CHEK1: variants seen among roughly 807,000 people sequenced by gnomAD.
CHEK1 encodes the protein checkpoint kinase 1, also known as serine/threonine-protein kinase Chk1.
A neutral mutation model predicts 60.2 loss-of-function variants in CHEK1; 32 were observed. The ratio of observed to expected loss-of-function variants is 0.53; its 90% CI spans 0.40 to 0.71. The LOEUF (loss-of-function observed/expected upper bound fraction) is 0.71. Among genes scored for constraint, CHEK1 ranks in the 30% least tolerant of loss-of-function variants. CHEK1 has a pLI of 0.00. For missense variants in CHEK1, 399 were observed against 564.6 expected, an observed-to-expected ratio of 0.71 and a Z score of 2.97; for synonymous variants, 179 against 187.2, an observed-to-expected ratio of 0.96 and a Z score of 0.36.
Position 125,627,666 on chromosome 11 carries a change from T to G in CHEK1, c.125T>G (p.Met42Arg). 1 of 1,613,980 alleles carries G rather than the reference T, an allele frequency of 6.2e-7. No homozygotes were observed. Among genetic ancestry groups the G allele is most frequent in the Non-Finnish European group, 8.5e-7 (1 of 1,179,944 alleles). ...EEAVAVKIVD[M>R]KRAVDCPENI... ...GCAGTCGCAGTGAAGATTGTAGATATGAAGCGTGCCGTAGACTGTCCAGAA... is the reference window on the plus strand; with the variant it reads ...GCAGTCGCAGTGAAGATTGTAGATAGGAAGCGTGCCGTAGACTGTCCAGAA... The change falls in exon 3 of 13, where the codon ATG (methionine) becomes AGG (arginine). Residue 42 changes from methionine to arginine, a missense_variant. By Grantham distance (91) the Met-to-Arg change is moderately conservative. Around this residue, in one of 2 missense-constraint regions of CHEK1, gnomAD observed 370 missense variants for 494.8 expected, o/e 0.75. Coordinates refer to ENST00000438015, the MANE Select transcript of CHEK1 (RefSeq NM_001114122.3).
chr11:125,661,387 C>G (rs1164811244), downstream of CHEK1, among the ~76,000 whole-genome samples: 2 of 152,112 alleles, frequency 1.3e-5, no homozygotes, highest in African/African-American at 2.4e-5. Flanking sequence ...TCTCAGCTCA[C>G]TGCCACCTCT....
Position 125,633,172 on chromosome 11 carries a change from A to T in CHEK1, c.434A>T (p.Lys145Ile), listed in dbSNP as rs775066373. ...TTTTCTTTTGGTTTAGATAACCTCAAAATCTCAGACTTTGGCTTGGCAACA... is the reference window on the plus strand; with the variant it reads ...TTTTCTTTTGGTTTAGATAACCTCATAATCTCAGACTTTGGCTTGGCAACA... ...NLLLDERDNL[K>I]ISDFGLATVF... Residue 145 changes from lysine (K) to isoleucine (I), a missense_variant, in exon 6 of 13, where the codon AAA becomes ATA. Physicochemically the swap from Lys to Ile is moderately radical, Grantham distance 102. Transcript: ENST00000438015. The T allele has an allele frequency of 1.9e-6, 3 of 1,582,528 alleles. No homozygotes were observed. In the African/African-American group the frequency reaches 4.1e-5, roughly 22 times the overall value.
chr11:125,679,933 C>T (rs1942718445), downstream of CHEK1, among the ~76,000 whole-genome samples: 1 of 152,046 alleles, frequency 6.6e-6, no homozygotes, highest in South Asian at 2.1e-4. Flanking sequence ...ATAATTAACA[C>T]AAGTTTTGAT....
Position 125,625,517 on chromosome 11 carries a change from C to G in CHEK1, c.-516C>G. The G allele has an allele frequency of 3.9e-6, 2 of 506,984 alleles. No homozygotes were observed. The highest frequency in any genetic ancestry group is 7.1e-6 in the Non-Finnish European group (2 of 282,860). 31.4% of individuals were successfully genotyped at this position (506,984 alleles called of 1,614,324 possible). On this transcript the variant is annotated 5_prime_UTR_variant, in exon 1 of 13. Transcript: ENST00000438015. ...CGCACTCTGAGGTTTACAAAGCACT[C>G]TGCTTCACCGACTGTGATCCTCACA...
chr11:125,660,855 A>C (rs1461086381), downstream of CHEK1, among the ~76,000 whole-genome samples: 2 of 151,820 alleles, frequency 1.3e-5, no homozygotes, highest in African/African-American at 4.8e-5. Flanking sequence ...GGCTCACTGC[A>C]ACCTCCGCCT....
chr11:125,662,458 G>A (rs1942034706), intron 13 of CHEK1, among the ~76,000 whole-genome samples: 2 of 152,202 alleles, frequency 1.3e-5, no homozygotes, highest in Admixed American at 1.3e-4. Flanking sequence ...GGGAATACGA[G>A]CATTCAGACT....
Position 125,644,583 on chromosome 11 carries a change from A to G in CHEK1, c.1173A>G (p.Gln391=). ...AATTGGATGCAGACAAATCTTATCA[A>G]TGCCTGAAAGAGACTTGTGAGAAGT... The part of the protein sequence containing the change: ...FTKLDADKSY[Q]CLKETCEKLG... Residue 391 remains glutamine, a synonymous_variant, in exon 11 of 13, where the codon CAA becomes CAG. Transcript: ENST00000438015. 1 of 1,614,188 alleles carries G rather than the reference A, an allele frequency of 6.2e-7. No individual in the cohort carries two copies. The highest frequency in any genetic ancestry group is 8.5e-7 in the Non-Finnish European group (1 of 1,180,026).
At chr11:125,679,462 C>A (rs1481664258), downstream of CHEK1, among the ~76,000 whole-genome samples, 2 of 152,268 alleles carry the variant, frequency 1.3e-5, no homozygotes, top group East Asian at 3.9e-4. Flanking sequence ...AAGTGATCCG[C>A]CCGCCTCAGC....
At chr11:125,640,701 C>T (rs1941269263) in intron 8 of CHEK1, among the ~76,000 whole-genome samples, 1 of 152,046 alleles carries the variant, frequency 6.6e-6, no homozygotes, top group Admixed American at 6.5e-5. Flanking sequence ...TCCCGAGTAG[C>T]TGGGACTACA....
At chr11:125,673,150 A>G (rs1238520430) in intron 13 of CHEK1, among the ~76,000 whole-genome samples, 4 of 150,728 alleles carry the variant, frequency 2.7e-5, no homozygotes, top group African/African-American at 9.8e-5. Context: ...TCCTTTTCTC[A>G]GGACTTTTTT....
intron 13 of CHEK1, among the ~76,000 whole-genome samples, chr11:125,674,036 A>T (rs1159816253): frequency 6.6e-6 from 1 of 152,134 alleles, no homozygotes; most frequent in East Asian, 1.9e-4. Context: ...TTGTGATCCC[A>T]GCTACTCAGG....
At chr11:125,668,524 CAT>C (rs1287883398) in intron 13 of CHEK1, among the ~76,000 whole-genome samples, 2 of 151,960 alleles carry the variant, frequency 1.3e-5, no homozygotes, top group Admixed American at 6.6e-5. Flanking sequence ...TTTAATTTCT[CAT>C]TTTTAATTAA....
chr11:125,680,818 C>T (rs947405286), downstream of CHEK1: 3 of 1,565,584 alleles, frequency 1.9e-6, no homozygotes, highest in African/African-American at 2.7e-5. Context: ...GTGTGGGCCA[C>T]AGCTTCTTCA....
At chr11:125,642,493 C>T (rs1337884822) in intron 8 of CHEK1, among the ~76,000 whole-genome samples, 1 of 151,660 alleles carries the variant, frequency 6.6e-6, no homozygotes, top group South Asian at 2.1e-4. Flanking sequence ...CAGAGTAGAC[C>T]TAATAAAATA....
intron 13 of CHEK1, chr11:125,672,331 G>C (rs566786490): frequency 5.1e-6 from 2 of 393,356 alleles, no homozygotes; most frequent in Non-Finnish European, 9.1e-6. Flanking sequence ...TCTTGAGCCT[G>C]TGTGCTTTAA....
At chr11:125,632,827 T>G (rs1004771740) in intron 5 of CHEK1, among the ~76,000 whole-genome samples, 10 of 152,148 alleles carry the variant, frequency 6.6e-5, no homozygotes, top group African/African-American at 2.4e-4. Flanking sequence ...TGAGGGGCCT[T>G]GCTTTACTTT....
At chr11:125,668,557 CAAG>C (rs1942140683) in intron 13 of CHEK1, among the ~76,000 whole-genome samples, 1 of 151,700 alleles carries the variant, frequency 6.6e-6, no homozygotes, top group South Asian at 2.1e-4. Context: ...ATTTTTGAGA[CAAG>C]ATCTGTTGTC....
chr11:125,677,837 C>A (rs747327464), downstream of CHEK1: 2 of 1,614,126 alleles, frequency 1.2e-6, no homozygotes, highest in South Asian at 1.1e-5. Context: ...AAGCCTGTTC[C>A]CCTGAAGCGT....
Position 125,656,295 on chromosome 11 carries a change from G to A in CHEK1, c.*975G>A. Reference sequence around the variant, plus strand: ...GAACCTGGAAGTTTGAGGCTGTAGTGAGCTATGATTGCACCAGTGCACTCC... The same window carrying A: ...GAACCTGGAAGTTTGAGGCTGTAGTAAGCTATGATTGCACCAGTGCACTCC... On this transcript the variant is annotated 3_prime_UTR_variant, in exon 13 of 13. Transcript: ENST00000438015. 1 of 213,452 alleles carries A rather than the reference G, an allele frequency of 4.7e-6. No individual in the cohort carries two copies. The highest frequency in any genetic ancestry group is 9.5e-6 in the Non-Finnish European group (1 of 105,606). The allele number at this position is 213,452 out of a possible 1,614,324, so 13.2% of individuals were successfully genotyped here.
Sources: allele counts gnomAD v4.1 joint callset (sites outside exome capture counted in the v4.1 genomes callset), GRCh38; gene constraint gnomAD v4.1.1; regional missense constraint gnomAD v4.1.1; transcripts MANE v1.5; gene names NCBI Gene and HGNC (gene_info 2026-07-23, HGNC 2026-07-21).